PCDHGB2: variants seen among roughly 807,000 people sequenced by gnomAD.
The protein encoded by PCDHGB2 is protocadherin gamma-B2.
Under a neutral mutation model 59.3 loss-of-function variants are expected in PCDHGB2, and 55 were observed. The observed-to-expected ratio is 0.93, with a 90% CI of 0.75 to 1.16. The LOEUF (loss-of-function observed/expected upper bound fraction) is 1.16, where lower values mean the gene tolerates loss of function less well. PCDHGB2 is among the 50% of genes most tolerant of loss of function. The pLI is 0.00. For synonymous variants in PCDHGB2, 516 were observed against 512.0 expected, an observed-to-expected ratio of 1.01 and a Z score of -0.11; for missense variants, 1,228 against 1,198.5, an observed-to-expected ratio of 1.02 and a Z score of -0.36.
At chr5:141,423,750 TGGGGGGGG>T in intron 1 of PCDHGB2, 1 of 287,524 alleles carries the variant, frequency 3.5e-6, no homozygotes, top group Non-Finnish European at 4.5e-6. Flanking sequence ...GAAAACTGTT[TGGGGGGGG>T]GGTGGGGCGG....
In PCDHGB2 at chr5:141,361,040, C is replaced by T. The variant is rs750073404; in HGVS notation, c.905C>T (p.Thr302Met). Residue 302 changes from threonine to methionine, a missense_variant, in exon 1 of 4, where the codon ACG (threonine) becomes ATG (methionine). By Grantham distance (81) the Thr-to-Met change is moderately conservative. Coordinates refer to ENST00000522605, the MANE Select transcript of PCDHGB2 (RefSeq NM_018923.3). ...TTAAATGAAAAAACAGGAGAAATCA[C>T]GACAAAGGATGATTTGGATTTTGAG... ...FNLNEKTGEI[T>M]TKDDLDFEIA... is the part of the protein sequence containing the mutation. 1.9e-6 allele frequency: 3 copies of T among 1,613,220 alleles called. No individual in the cohort carries two copies. The highest frequency in any genetic ancestry group is 2.2e-5 in the East Asian group (1 of 44,890).
chr5:141,422,938 G>A (rs1226350240), intron 1 of PCDHGB2: 2 of 1,614,116 alleles, frequency 1.2e-6, no homozygotes, highest in Non-Finnish European at 1.7e-6. Flanking sequence ...CCTCCCCACA[G>A]ACGGCTCCAC....
chr5:141,404,909 CCT>C (rs1243432357), intron 1 of PCDHGB2: 1 of 1,613,798 alleles, frequency 6.2e-7, no homozygotes, highest in Admixed American at 1.7e-5. Flanking sequence ...TGGCCAGCCC[CCT>C]CTCTCGGCCA....
In PCDHGB2 at chr5:141,432,012, A is replaced by G. The variant is rs756906117; in HGVS notation, c.2422-62795A>G. ...TTGGATAGGGAACAGGTTCCTAGCT[A>G]CAACATCACAGTGACCGCCACTGAC... On this transcript the variant is annotated intron_variant, in intron 1 of 3. Transcript: ENST00000522605. The surrounding 1 kb of genome is among the most constrained non-coding windows in gnomAD (Gnocchi z 6.0). The G allele has an allele frequency of 1.1e-5, 18 of 1,614,056 alleles. No homozygotes were observed. The highest frequency in any genetic ancestry group is 1.3e-5 in the Non-Finnish European group (15 of 1,180,008).
At chr5:141,403,125 A>G (rs755647554) in intron 1 of PCDHGB2, 2 of 1,614,028 alleles carry the variant, frequency 1.2e-6, no homozygotes. Context: ...GAGCCCCGGG[A>G]GCTGGCGGAG....
Position 141,361,796 on chromosome 5 carries a change from A to G in PCDHGB2, c.1661A>G (p.Asp554Gly), listed in dbSNP as rs1762187371. The G allele has an allele frequency of 1.9e-6, 3 of 1,613,122 alleles. No individual in the cohort carries two copies. The highest frequency in any genetic ancestry group is 3.3e-4 in the Middle Eastern group (2 of 6,022). The change falls in exon 1 of 4, where the codon GAC becomes GGC. Residue 554 changes from aspartate to glycine, a missense_variant. Around this residue, in one of 3 missense-constraint regions of PCDHGB2, gnomAD observed 781 missense variants for 721.6 expected, o/e 1.08. Transcript: ENST00000522605. Reference protein sequence around the residue: ...ANVSLRVLVGDLNDNAPRVLY... With the variant: ...ANVSLRVLVGGLNDNAPRVLY... ...GTGAGCCTGCGCGTGTTAGTGGGCG[A>G]CCTCAATGACAATGCGCCACGGGTG...
At chr5:141,428,088 C>G (rs761980796) in intron 1 of PCDHGB2, 5 of 1,608,920 alleles carry the variant, frequency 3.1e-6, no homozygotes, top group Non-Finnish European at 4.2e-6. Context: ...CAACGCTTGG[C>G]TGTCCTACCA....
intron 1 of PCDHGB2, chr5:141,371,905 A>G (rs768388601): frequency 6.2e-7 from 1 of 1,613,358 alleles, no homozygotes; most frequent in Non-Finnish European, 8.5e-7. Context: ...CTGTCGTCCT[A>G]CGTGTCCGTG....
intron 1 of PCDHGB2, chr5:141,365,398 C>T: frequency 1.2e-6 from 2 of 1,613,978 alleles, no homozygotes; most frequent in Non-Finnish European, 1.7e-6. Flanking sequence ...CCAGTTCGAT[C>T]TCTGAAGACT....
intron 1 of PCDHGB2, chr5:141,390,094 T>G: frequency 1.2e-6 from 2 of 1,614,048 alleles, no homozygotes; most frequent in Non-Finnish European, 1.7e-6. Flanking sequence ...GAATCCGTGG[T>G]TCCCCCCAAC....
rs747917835 is a variant in PCDHGB2 at position 141,487,659 on chromosome 5, AT to A, written c.2422-7147del. 3.7e-6 allele frequency: 6 copies of A among 1,613,466 alleles called. No homozygotes were observed. Among genetic ancestry groups the A allele is most frequent in the Non-Finnish European group, 5.1e-6 (6 of 1,179,716 alleles). On this transcript the variant is annotated intron_variant, in intron 1 of 3. Coordinates refer to ENST00000522605, the MANE Select transcript of PCDHGB2 (RefSeq NM_018923.3). This position sits in a 1 kb window ranked among gnomAD's most constrained non-coding sequence, Gnocchi z 5.0. ...CAACAAATGCTTGAGGGTTATTCTGATCCAGGCATATGGCTAGGCCATGTCC... is the reference window on the plus strand; with the variant it reads ...CAACAAATGCTTGAGGGTTATTCTGACCAGGCATATGGCTAGGCCATGTCC...
intron 3 of PCDHGB2, among the ~76,000 whole-genome samples, chr5:141,509,422 G>A (rs1181133903): frequency 3.3e-5 from 5 of 152,136 alleles, no homozygotes; most frequent in Non-Finnish European, 5.9e-5. Flanking sequence ...GCCCCAATGA[G>A]TCAAACTCTT....
intron 1 of PCDHGB2, chr5:141,409,175 G>A: frequency 5.0e-6 from 8 of 1,614,008 alleles, no homozygotes; most frequent in Non-Finnish European, 6.8e-6. Flanking sequence ...GAAGGACGGA[G>A]GTGGTCTCTC....
chr5:141,394,529 C>T, intron 1 of PCDHGB2: 2 of 1,614,216 alleles, frequency 1.2e-6, no homozygotes, highest in Non-Finnish European at 8.5e-7. Flanking sequence ...CAGACGGTTC[C>T]ACTGGCGTGG....
At chr5:141,480,525 A>G (rs191522157) in intron 1 of PCDHGB2, among the ~76,000 whole-genome samples, 131 of 152,310 alleles carry the variant, frequency 8.6e-4, no homozygotes, top group African/African-American at 2.6e-3. Context: ...AAAAATGACA[A>G]AGTAGAAGCA....
chr5:141,374,295 G>A (rs758241355), intron 1 of PCDHGB2: 3 of 1,613,962 alleles, frequency 1.9e-6, no homozygotes, highest in East Asian at 2.2e-5. Context: ...TCCAGAGGTA[G>A]GATGCAGCTT....
rs541220236 is a variant in PCDHGB2, at chr5:141,382,835, C to A, written c.2421+20279C>A. On this transcript the variant is annotated intron_variant, in intron 1 of 3. Transcript: ENST00000522605. Reference sequence around the variant, plus strand: ...CCTTCCTAAGACAGAGGGGTCCACCCGGATACACCCGCATTCTGAAGCACT... The same window carrying A: ...CCTTCCTAAGACAGAGGGGTCCACCAGGATACACCCGCATTCTGAAGCACT... The A allele has an allele frequency of 2.7e-4, 387 of 1,431,176 alleles. 2 individuals carry two copies. In the Middle Eastern group the frequency reaches 2.8e-3, roughly 10 times the overall value. The allele number at this position is 1,431,176 out of a possible 1,614,324, so 88.7% of individuals were successfully genotyped here. A position where few individuals can be genotyped will look rare whatever the true frequency, so the allele number is the denominator to read the frequency against.
At chr5:141,366,602 TCCCTCACCGCGGA>T in intron 1 of PCDHGB2, 1 of 1,614,226 alleles carries the variant, frequency 6.2e-7, no homozygotes, top group Admixed American at 1.7e-5. Flanking sequence ...CCACGAGGTC[TCCCTCACCGCGGA>T]CTCGAGGAAG....
At chr5:141,370,552 A>T in intron 1 of PCDHGB2, 2 of 1,613,806 alleles carry the variant, frequency 1.2e-6, no homozygotes, top group Non-Finnish European at 1.7e-6. Context: ...CTCGCCAAGG[A>T]CCTGGGGTTT....
Sources: allele counts gnomAD v4.1 joint callset (sites outside exome capture counted in the v4.1 genomes callset), GRCh38; gene constraint gnomAD v4.1.1; regional missense constraint gnomAD v4.1.1; non-coding constraint Gnocchi (gnomAD v3.1); transcripts MANE v1.5; gene names NCBI Gene and HGNC (gene_info 2026-07-23, HGNC 2026-07-21).